Variants in CADM2 observed in about 807,000 individuals in gnomAD.
CADM2 encodes immunoglobulin superfamily member 4D.
Under a neutral mutation model 49.8 loss-of-function variants are expected in CADM2, and 12 were observed. The ratio of observed to expected loss-of-function variants is 0.24; its 90% CI spans 0.15 to 0.39. The LOEUF (loss-of-function observed/expected upper bound fraction) is 0.39, where lower values mean the gene tolerates loss of function less well. CADM2 is among the 10% of genes least tolerant of loss of function. The probability of loss-of-function intolerance (pLI) is 1.00; values close to 1 mark genes in which losing one functional copy is unlikely to be tolerated. For synonymous variants in CADM2, 214 were observed against 175.4 expected, an observed-to-expected ratio of 1.22 and a Z score of -1.74; for missense variants, 378 against 492.3, an observed-to-expected ratio of 0.77 and a Z score of 2.20.
intron 1 of CADM2, among the ~76,000 whole-genome samples, chr3:85,451,460 C>T (rs951401294): frequency 6.6e-6 from 1 of 152,040 alleles, no homozygotes. Flanking sequence ...TGACCCTCCC[C>T]GGAAGTAATA....
intron 6 of CADM2, among the ~76,000 whole-genome samples, chr3:85,924,480 T>C (rs1459549168): frequency 1.3e-5 from 2 of 151,942 alleles, no homozygotes; most frequent in East Asian, 3.9e-4. Flanking sequence ...GTAGCCCAGC[T>C]ACATCGGGGG....
At chr3:85,959,637 A>G (rs1285619368) in intron 7 of CADM2, among the ~76,000 whole-genome samples, 9 of 151,914 alleles carry the variant, frequency 5.9e-5, no homozygotes, top group African/African-American at 1.7e-4. Context: ...ACTTTGATCA[A>G]TGATGCACCA....
intron 1 of CADM2, among the ~76,000 whole-genome samples, chr3:85,068,764 A>G (rs926119504): frequency 6.6e-6 from 1 of 151,068 alleles, no homozygotes; most frequent in Non-Finnish European, 1.5e-5. Flanking sequence ...TTTTATTTTT[A>G]CATTTTTATT....
chr3:85,967,799 G>A (rs1725651563), intron 8 of CADM2, among the ~76,000 whole-genome samples: 1 of 151,526 alleles, frequency 6.6e-6, no homozygotes, highest in Non-Finnish European at 1.5e-5. Context: ...AGGTCACACT[G>A]AGAACTAGGA....
intron 1 of CADM2, among the ~76,000 whole-genome samples, chr3:85,381,796 C>T (rs921460821): frequency 6.6e-6 from 1 of 151,980 alleles, no homozygotes; most frequent in African/African-American, 2.4e-5. Flanking sequence ...CATCCAAGGG[C>T]CTGATGTTGT....
chr3:85,279,189 C>T (rs1482558232), intron 1 of CADM2, among the ~76,000 whole-genome samples: 5 of 151,446 alleles, frequency 3.3e-5, no homozygotes, highest in African/African-American at 9.7e-5. Flanking sequence ...CCACAGAGTC[C>T]CTGTAGCTAA....
intron 1 of CADM2, among the ~76,000 whole-genome samples, chr3:85,182,177 CT>C (rs1339768364): frequency 6.6e-6 from 1 of 151,916 alleles, no homozygotes; most frequent in African/African-American, 2.4e-5. Flanking sequence ...TACAGTGGTG[CT>C]TTTAACATAC....
chr3:85,541,717 A>ATT (rs762571304), intron 1 of CADM2, among the ~76,000 whole-genome samples: 1 of 135,548 alleles, frequency 7.4e-6, no homozygotes, highest in African/African-American at 2.9e-5. Flanking sequence ...TATATTTTAT[A>ATT]TTATATATAT....
chr3:85,903,409 T>C (rs1043310849), intron 5 of CADM2, among the ~76,000 whole-genome samples: 2 of 152,122 alleles, frequency 1.3e-5, no homozygotes, highest in African/African-American at 4.8e-5. Context: ...TTAGATTTTG[T>C]TTACCTGAAA....
chr3:85,198,993 T>C (rs1474720640), intron 1 of CADM2, among the ~76,000 whole-genome samples: 1 of 151,950 alleles, frequency 6.6e-6, no homozygotes, highest in Non-Finnish European at 1.5e-5. Context: ...AATTGGTATG[T>C]GCTTATTTTT....
rs1425968605 is a variant in CADM2 at position 86,067,234 on chromosome 3, T to A, written c.*451T>A. 2 of 153,634 alleles carry A rather than the reference T, an allele frequency of 1.3e-5. No homozygotes were observed. Among genetic ancestry groups the A allele is most frequent in the African/African-American group, 2.4e-5 (1 of 41,416 alleles). The allele number at this position is 153,634 out of a possible 1,614,324, so 9.5% of individuals were successfully genotyped here. ...TAATGTATTTAAGAATAAGTGAAGG[T>A]TAGAGGTTTACAATTAATGTTTTCT... On this transcript the variant is annotated 3_prime_UTR_variant, in exon 10 of 10. Transcript: ENST00000383699.
intron 1 of CADM2, among the ~76,000 whole-genome samples, chr3:85,572,641 T>C (rs1222786061): frequency 6.6e-6 from 1 of 152,178 alleles, no homozygotes; most frequent in Non-Finnish European, 1.5e-5. Context: ...GTATAACTCT[T>C]GGTCTGAGGC....
intron 1 of CADM2, among the ~76,000 whole-genome samples, chr3:85,214,766 C>G (rs924446931): frequency 1.3e-5 from 2 of 152,210 alleles, no homozygotes; most frequent in Admixed American, 6.5e-5. Context: ...TACTGCCTGG[C>G]TACCACTGAT....
At chr3:85,911,350 A>C (rs1252648313) in intron 5 of CADM2, among the ~76,000 whole-genome samples, 1 of 152,218 alleles carries the variant, frequency 6.6e-6, no homozygotes, top group East Asian at 1.9e-4. Flanking sequence ...AAGAACAAAT[A>C]GTCCCTTAGT....
In CADM2 at chr3:85,568,396, C is replaced by CCTCTTTCTTT. The variant is rs1393418468; in HGVS notation, c.62-158123_62-158114dup. Among the ~76,000 whole-genome samples the CCTCTTTCTTT allele has an allele frequency of 2.9e-5, 3 of 102,564 alleles. 1 individual carries two copies. Among genetic ancestry groups the CCTCTTTCTTT allele is most frequent in the African/African-American group, 9.0e-5 (3 of 33,314 alleles). The allele number at this position is 102,564 out of a possible 152,430, so 67.3% of individuals were successfully genotyped here. On this transcript the variant is annotated intron_variant, in intron 1 of 9. Coordinates refer to ENST00000383699, the MANE Select transcript of CADM2 (RefSeq NM_001167675.2). ...TGTTACCTACAATCTTTCCTTCCTC[C>CCTCTTTCTTT]CTCTTTCTTTCTTTCTTTCTTTCTT...
At chr3:85,156,607 C>A (rs922598315) in intron 1 of CADM2, among the ~76,000 whole-genome samples, 1 of 152,150 alleles carries the variant, frequency 6.6e-6, no homozygotes, top group African/African-American at 2.4e-5. Flanking sequence ...AAGAGGGAAA[C>A]CTCCCTAACT....
intron 1 of CADM2, among the ~76,000 whole-genome samples, chr3:85,663,428 T>C (rs540304214): frequency 6.6e-6 from 1 of 152,008 alleles, no homozygotes; most frequent in South Asian, 2.1e-4. Context: ...ATATCTCTCA[T>C]TCTTGCTTTC....
intron 1 of CADM2, among the ~76,000 whole-genome samples, chr3:85,044,703 C>A (rs1315744625): frequency 1.3e-5 from 2 of 152,058 alleles, no homozygotes; most frequent in African/African-American, 4.8e-5. Flanking sequence ...CAAGAAAAAA[C>A]CAGTGAAATT....
chr3:85,415,135 G>A (rs2035855768), intron 1 of CADM2, among the ~76,000 whole-genome samples: 1 of 152,092 alleles, frequency 6.6e-6, no homozygotes, highest in Non-Finnish European at 1.5e-5. Flanking sequence ...GTATTTAACT[G>A]TATATATGTA....
Sources: gnomAD v4.1 joint callset for allele counts (sites outside exome capture counted in the v4.1 genomes callset) on GRCh38, gnomAD v4.1.1 for gene constraint, MANE v1.5 for transcripts, NCBI Gene and HGNC (gene_info 2026-07-23, HGNC 2026-07-21) for gene names.